Variants in GSE1 observed in about 807,000 individuals in gnomAD.
GSE1 encodes the protein genetic suppressor element 1.
In GSE1, 32 loss-of-function variants were observed where a neutral mutation model predicts 112.6. The ratio of observed to expected loss-of-function variants is 0.28; its 90% CI spans 0.21 to 0.38. The LOEUF (loss-of-function observed/expected upper bound fraction) is 0.38, where lower values mean the gene tolerates loss of function less well. GSE1 is among the 10% of genes least tolerant of loss of function. The pLI is 1.00. For synonymous variants in GSE1, 1,115 were observed against 735.6 expected, an observed-to-expected ratio of 1.52 and a Z score of -8.35; for missense variants, 2,348 against 1,699.2, an observed-to-expected ratio of 1.38 and a Z score of -6.71.
In GSE1 at chr16:85,284,441, C is replaced by T. The variant is rs767989025; in HGVS notation, c.2284-73022C>T. Among the ~76,000 whole-genome samples the T allele has an allele frequency of 1.2e-4, 18 of 152,302 alleles. No individual in the cohort carries two copies. The South Asian group carries it at 1.5e-3, about 12-fold the overall frequency. ...AGGTGAGACCTGCCTCCCTGCCCTG[C>T]GCTCAGCCTCTGTCCCAGAAACCTG... On this transcript the variant is annotated intron_variant, in intron 1 of 2. Transcript: ENST00000637419.
At chr16:85,397,153 A>G (rs559105966) in intron 2 of GSE1, among the ~76,000 whole-genome samples, 3 of 152,154 alleles carry the variant, frequency 2.0e-5, no homozygotes, top group South Asian at 4.1e-4. Context: ...CTGGGGGGAG[A>G]CTTGATTTCC....
chr16:85,488,663 T>C (rs775923612), intron 2 of GSE1, among the ~76,000 whole-genome samples: 21 of 152,050 alleles, frequency 1.4e-4, no homozygotes, highest in African/African-American at 2.9e-4. Context: ...CCGGAGGTCA[T>C]GAAGTTGGAC....
intron 2 of GSE1, among the ~76,000 whole-genome samples, chr16:85,456,351 G>C (rs1159484281): frequency 6.6e-6 from 1 of 152,152 alleles, no homozygotes; most frequent in African/African-American, 2.4e-5. Flanking sequence ...GGAAGCGCTT[G>C]GAGGTGGGAC....
Position 85,661,538 on chromosome 16 carries a change from T to G in GSE1, c.2033T>G (p.Leu678Arg). 6.2e-7 allele frequency: 1 copy of G among 1,611,710 alleles called. No individual in the cohort carries two copies. ...LPGPGPFLAE[L>R]EKSTQTILGQ... ...GGGCCCGGGCCCTTCCTGGCTGAGC[T>G]CGAGAAGTCCACCCAGACCATCCTG... is the stretch of plus-strand genomic sequence containing the variant. Residue 678 changes from leucine to arginine, a missense_variant, in exon 9 of 16, where the codon CTC (leucine) becomes CGC (arginine). Coordinates refer to ENST00000253458, the MANE Select transcript of GSE1 (RefSeq NM_014615.5).
rs9927027 is a variant in GSE1 at position 85,250,231 on chromosome 16, G to A, written c.2283+78424G>A. ...GGGAGGCCAAGTGGCCTTTCTTTCA[G>A]AATGGGCTTGGACTTTTCCAGGGAG... On this transcript the variant is annotated intron_variant, in intron 1 of 2. Coordinates refer to the GSE1 transcript ENST00000637419. Among the ~76,000 whole-genome samples, 1,424 of 152,334 alleles carry A rather than the reference G, an allele frequency of 9.3e-3. 20 individuals are homozygous for A. Among genetic ancestry groups the A allele is most frequent in the African/African-American group, 0.031 (1,282 of 41,570 alleles).
chr16:85,214,558 C>G (rs1284123111), intron 1 of GSE1, among the ~76,000 whole-genome samples: 1 of 152,188 alleles, frequency 6.6e-6, no homozygotes, highest in Non-Finnish European at 1.5e-5. Context: ...TGAATCCAGA[C>G]TTCTCCTAAC....
intron 1 of GSE1, among the ~76,000 whole-genome samples, chr16:85,601,237 T>C (rs922758633): frequency 3.3e-5 from 5 of 150,070 alleles, no homozygotes; most frequent in Non-Finnish European, 4.4e-5. Context: ...AGAGGGGAAA[T>C]AGACCCCAGA....
chr16:85,544,115 G>A (rs975712697), intron 2 of GSE1, among the ~76,000 whole-genome samples: 39 of 152,180 alleles, frequency 2.6e-4, no homozygotes, highest in Non-Finnish European at 5.3e-4. Flanking sequence ...GATTACAGGC[G>A]TGAGCCACTG....
chr16:85,621,124 G>T (rs540843873), intron 1 of GSE1, among the ~76,000 whole-genome samples: 15 of 151,794 alleles, frequency 9.9e-5, no homozygotes, highest in African/African-American at 2.9e-4. Context: ...CTTGGCCCTG[G>T]GTCTCTGCCC....
intron 1 of GSE1, among the ~76,000 whole-genome samples, chr16:85,597,804 C>T (rs965288395): frequency 3.9e-5 from 6 of 152,212 alleles, no homozygotes; most frequent in Admixed American, 2.6e-4. Context: ...GGGCCAGCCT[C>T]AGCCATTACT....
chr16:85,329,766 T>G (rs1318678006), intron 1 of GSE1, among the ~76,000 whole-genome samples: 1 of 149,012 alleles, frequency 6.7e-6, no homozygotes, highest in African/African-American at 2.5e-5. Flanking sequence ...ACCTGCTAAT[T>G]AGAGGGCAAG....
Position 85,203,393 on chromosome 16 carries a change from A to G in GSE1, c.2283+31586A>G, listed in dbSNP as rs553475264. Among the ~76,000 whole-genome samples the G allele has an allele frequency of 3.9e-5, 6 of 152,320 alleles. No homozygotes were observed. In the East Asian group the frequency reaches 1.2e-3, roughly 29 times the overall value. On this transcript the variant is annotated intron_variant, in intron 1 of 2. Coordinates refer to the GSE1 transcript ENST00000637419. ...GCTAAGGTGGTGTGGCACCCTGGCAACAGTGGTGAGCGGGCAGAGCCAAGG... is the reference window on the plus strand; with the variant it reads ...GCTAAGGTGGTGTGGCACCCTGGCAGCAGTGGTGAGCGGGCAGAGCCAAGG...
At chr16:85,186,249 T>G (rs1183701066) in intron 1 of GSE1, among the ~76,000 whole-genome samples, 1 of 152,168 alleles carries the variant, frequency 6.6e-6, no homozygotes, top group Admixed American at 6.5e-5. Context: ...GCAGGAGAAT[T>G]GCTTGAGCCC....
At chr16:85,492,310 G>A (rs1404646492) in intron 2 of GSE1, among the ~76,000 whole-genome samples, 2 of 151,972 alleles carry the variant, frequency 1.3e-5, no homozygotes, top group African/African-American at 2.4e-5. Flanking sequence ...CTAGCAGTTC[G>A]GGGACTCAGA....
At chr16:85,219,842 C>T (rs939794623) in intron 1 of GSE1, among the ~76,000 whole-genome samples, 1 of 152,252 alleles carries the variant, frequency 6.6e-6, no homozygotes, top group Non-Finnish European at 1.5e-5. Context: ...GCCCCCAAGC[C>T]GACGTCTCTT....
At chr16:85,350,321 TG>T (rs534024249) in intron 1 of GSE1, among the ~76,000 whole-genome samples, 19 of 152,096 alleles carry the variant, frequency 1.2e-4, no homozygotes, top group Non-Finnish European at 2.5e-4. Context: ...GCCGGCTTCC[TG>T]GGGTGCACCT....
intron 1 of GSE1, among the ~76,000 whole-genome samples, chr16:85,229,554 T>C (rs948086802): frequency 2.6e-5 from 4 of 151,352 alleles, no homozygotes; most frequent in African/African-American, 9.8e-5. Flanking sequence ...CATACTCACA[T>C]GAGTTCCATT....
intron 1 of GSE1, among the ~76,000 whole-genome samples, chr16:85,571,481 C>T (rs547628954): frequency 6.6e-6 from 1 of 152,356 alleles, no homozygotes; most frequent in South Asian, 2.1e-4. Flanking sequence ...CCAGAAAGTT[C>T]CACCGGACCG....
chr16:85,181,959 G>A (rs747330056), intron 1 of GSE1, among the ~76,000 whole-genome samples: 22 of 152,174 alleles, frequency 1.4e-4, no homozygotes, highest in Non-Finnish European at 2.8e-4. Flanking sequence ...CCTTTGAGAC[G>A]GACCGTCTCA....
Sources: gnomAD v4.1 joint callset for allele counts (sites outside exome capture counted in the v4.1 genomes callset) on GRCh38, gnomAD v4.1.1 for gene constraint, MANE v1.5 for transcripts, NCBI Gene and HGNC (gene_info 2026-07-23, HGNC 2026-07-21) for gene names.